The following KIAA1328 variants were observed in gnomAD, a reference collection of about 807,000 sequenced individuals.
KIAA1328 encodes the protein protein hinderin.
In KIAA1328, 52 loss-of-function variants were observed where a neutral mutation model predicts 68.1. That is an observed-to-expected ratio of 0.76 (90% CI 0.61 to 0.96). KIAA1328 has a LOEUF of 0.96. Among genes scored for constraint, KIAA1328 ranks in the 40% least tolerant of loss-of-function variants. The probability of loss-of-function intolerance (pLI) is 0.00; values close to 1 mark genes in which losing one functional copy is unlikely to be tolerated. For missense variants in KIAA1328, 641 were observed against 677.6 expected, an observed-to-expected ratio of 0.95 and a Z score of 0.60; for synonymous variants, 232 against 239.4, an observed-to-expected ratio of 0.97 and a Z score of 0.28.
chr18:37,206,566 C>T (rs1007188672), intron 9 of KIAA1328, among the ~76,000 whole-genome samples: 3 of 152,086 alleles, frequency 2.0e-5, no homozygotes, highest in African/African-American at 4.8e-5. Flanking sequence ...GTAATAGAAG[C>T]GAGCACCTCT....
chr18:36,948,411 G>A (rs1285181167), intron 5 of KIAA1328, among the ~76,000 whole-genome samples: 7 of 151,212 alleles, frequency 4.6e-5, no homozygotes, highest in African/African-American at 9.7e-5. Context: ...ACAGGCATGC[G>A]CCACCACGCC....
intron 5 of KIAA1328, among the ~76,000 whole-genome samples, chr18:36,919,987 A>G (rs1162780062): frequency 1.3e-5 from 2 of 152,114 alleles, no homozygotes; most frequent in Admixed American, 1.3e-4. Flanking sequence ...TGTTAGATGC[A>G]CAGTTTATGA....
intron 6 of KIAA1328, among the ~76,000 whole-genome samples, chr18:36,982,124 ATATATT>A (rs936769773): frequency 1.5e-5 from 2 of 134,966 alleles, no homozygotes; most frequent in Non-Finnish European, 3.1e-5. Context: ...TAATATATAA[ATATATT>A]ATAAAAATAT....
At chr18:37,215,442 G>C (rs1446327862) in intron 9 of KIAA1328, among the ~76,000 whole-genome samples, 1 of 152,160 alleles carries the variant, frequency 6.6e-6, no homozygotes, top group African/African-American at 2.4e-5. Context: ...TTTTGTGATG[G>C]ATTACATTTA....
At chr18:37,162,935 G>A (rs1236193189) in intron 8 of KIAA1328, among the ~76,000 whole-genome samples, 5 of 150,278 alleles carry the variant, frequency 3.3e-5, no homozygotes, top group Admixed American at 6.6e-5. Flanking sequence ...CCTTACGATA[G>A]CAAAGATATG....
chr18:37,100,701 T>C (rs2057583950), intron 7 of KIAA1328, among the ~76,000 whole-genome samples: 1 of 152,232 alleles, frequency 6.6e-6, no homozygotes, highest in African/African-American at 2.4e-5. Flanking sequence ...GCTTGAGATC[T>C]GAGAACGAAC....
intron 5 of KIAA1328, among the ~76,000 whole-genome samples, chr18:36,892,159 C>CTGCA (rs2048712094): frequency 1.3e-5 from 2 of 151,766 alleles, no homozygotes; most frequent in Non-Finnish European, 2.9e-5. Context: ...AGGAACCATA[C>CTGCA]TGCAGGAAGC....
chr18:37,227,317 G>T (rs1354622382), downstream of KIAA1328, among the ~76,000 whole-genome samples: 1 of 152,200 alleles, frequency 6.6e-6, no homozygotes, highest in Admixed American at 6.5e-5. Context: ...GATGAAGGTA[G>T]CTACACTAAA....
intron 7 of KIAA1328, among the ~76,000 whole-genome samples, chr18:37,073,818 T>C (rs1180447622): frequency 6.6e-6 from 1 of 152,244 alleles, no homozygotes; most frequent in Non-Finnish European, 1.5e-5. Context: ...TTATGATGCA[T>C]GCTTTACTAT....
rs1022622800 is a variant in KIAA1328, at chr18:37,085,770, A to G, written c.1232+18225A>G. On this transcript the variant is annotated intron_variant, in intron 7 of 9. Transcript: ENST00000280020. ...TTTGCTCCCTCCTTTTCTCCCTTTT[A>G]TCTTCCTCTCTTTACCTTTCTTTCT... is the stretch of plus-strand genomic sequence containing the variant. 5.3e-5 allele frequency among the ~76,000 whole-genome samples: 8 copies of G among 151,684 alleles called. No homozygotes were observed. In the East Asian group the frequency reaches 9.7e-4, roughly 18 times the overall value.
intron 4 of KIAA1328, among the ~76,000 whole-genome samples, chr18:36,870,075 G>T (rs984118876): frequency 2.6e-5 from 4 of 152,068 alleles, no homozygotes; most frequent in African/African-American, 9.7e-5. Context: ...TGTTGACCAG[G>T]ATGGTCTCGA....
intron 9 of KIAA1328, among the ~76,000 whole-genome samples, chr18:37,182,363 T>C (rs531169658): frequency 3.0e-4 from 45 of 152,336 alleles, no homozygotes; most frequent in African/African-American, 9.9e-4. Flanking sequence ...GTAATAATTA[T>C]AACTCTGTGG....
intron 5 of KIAA1328, among the ~76,000 whole-genome samples, chr18:36,955,300 C>T (rs1410066104): frequency 6.9e-6 from 1 of 144,950 alleles, no homozygotes. Flanking sequence ...GCTAATTTTC[C>T]TGGTTTTTCT....
intron 6 of KIAA1328, among the ~76,000 whole-genome samples, chr18:36,987,847 T>A (rs974447561): frequency 5.9e-5 from 9 of 151,344 alleles, no homozygotes; most frequent in African/African-American, 9.7e-5. Flanking sequence ...TTTGTTTTTT[T>A]AAAAAAAAAG....
intron 7 of KIAA1328, among the ~76,000 whole-genome samples, chr18:37,073,449 C>G (rs1039577954): frequency 6.6e-6 from 1 of 152,218 alleles, no homozygotes; most frequent in Non-Finnish European, 1.5e-5. Flanking sequence ...ATCAAAACCA[C>G]AATGCGATAC....
chr18:36,975,922 C>A (rs1356639606), intron 6 of KIAA1328, among the ~76,000 whole-genome samples: 3 of 152,024 alleles, frequency 2.0e-5, no homozygotes, highest in Non-Finnish European at 4.4e-5. Flanking sequence ...TTATGTCTAT[C>A]TTAGATATTT....
At chr18:36,868,037 A>T (rs2047815142) in intron 4 of KIAA1328, among the ~76,000 whole-genome samples, 1 of 152,202 alleles carries the variant, frequency 6.6e-6, no homozygotes, top group South Asian at 2.1e-4. Flanking sequence ...TAATCTATGG[A>T]TGTCTCCTTA....
intron 9 of KIAA1328, 35 bp downstream of exon 9, chr18:37,173,116 TC>T: frequency 6.9e-7 from 1 of 1,444,922 alleles, no homozygotes; most frequent in South Asian, 1.2e-5. Flanking sequence ...TTTAATATTC[TC>T]CCTATGAGAG....
chr18:37,142,096 A>G (rs1272549419), intron 7 of KIAA1328, among the ~76,000 whole-genome samples: 2 of 152,222 alleles, frequency 1.3e-5, no homozygotes, highest in Non-Finnish European at 2.9e-5. Context: ...TATAGAAGTT[A>G]TATAGTTTTA....
Sources: allele counts gnomAD v4.1 joint callset (sites outside exome capture counted in the v4.1 genomes callset), GRCh38; gene constraint gnomAD v4.1.1; transcripts MANE v1.5; gene names NCBI Gene and HGNC (gene_info 2026-07-23, HGNC 2026-07-21).